The following EBF3 variants were observed in gnomAD, a reference collection of about 807,000 sequenced individuals.
EBF3 encodes transcription factor COE3.
Under a neutral mutation model 77.1 loss-of-function variants are expected in EBF3, and 18 were observed. That is an observed-to-expected ratio of 0.23 (90% CI 0.16 to 0.35). The LOEUF is 0.35. EBF3 is among the 10% of genes least tolerant of loss of function. The pLI is 1.00. For missense variants in EBF3, 558 were observed against 860.0 expected (o/e 0.65, Z 4.39); for synonymous variants, 350 against 343.5 (o/e 1.02, Z -0.21).
At chr10:129,959,039 C>G (rs376446647) in intron 4 of EBF3, 32 bp from the exon 5 acceptor site, 1 of 1,595,830 alleles carries the variant, frequency 6.3e-7, no homozygotes, top group Admixed American at 1.7e-5. Context: ...GCTGGGGTTA[C>G]GCGGCGCCCG....
chr10:129,904,575 GATGGATGGATGGACAA>G (rs945591854), intron 6 of EBF3, among the ~76,000 whole-genome samples: 16 of 151,980 alleles, frequency 1.1e-4, no homozygotes, highest in Non-Finnish European at 1.6e-4. Context: ...TGAACGGATG[GATGGATGGATGGACAA>G]ATGGATGGAT....
chr10:129,844,936 C>T (rs1370105772), intron 11 of EBF3, among the ~76,000 whole-genome samples: 1 of 152,102 alleles, frequency 6.6e-6, no homozygotes, highest in Admixed American at 6.6e-5. Flanking sequence ...TTTTACATGC[C>T]TTTCAATTTT....
rs1858283537 is a variant in EBF3, at chr10:129,947,096, T to G, written c.554+10162A>C. On this transcript the variant is annotated intron_variant, in intron 6 of 16. Coordinates refer to ENST00000440978, the MANE Select transcript of EBF3 (RefSeq NM_001375380.1). The surrounding 1 kb of genome is among the most constrained non-coding windows in gnomAD (Gnocchi z 4.5). ...CCCCACTTGTTTCCTGACCCAATCT[T>G]CCTCGTGTCAGGGGACGAGCCGCTT... Among the ~76,000 whole-genome samples, 1 of 152,118 alleles carries G rather than the reference T, an allele frequency of 6.6e-6. No homozygotes were observed. Among genetic ancestry groups the G allele is most frequent in the South Asian group, 2.1e-4 (1 of 4,820 alleles).
At chr10:129,951,988 A>T (rs373515482) in intron 6 of EBF3, among the ~76,000 whole-genome samples, 25 of 152,374 alleles carry the variant, frequency 1.6e-4, no homozygotes, top group Middle Eastern at 3.4e-3. Flanking sequence ...AGCCATTCAC[A>T]CCTGAGCCCG....
intron 6 of EBF3, among the ~76,000 whole-genome samples, chr10:129,878,988 C>T (rs1227724507): frequency 3.3e-5 from 5 of 152,250 alleles, no homozygotes; most frequent in Admixed American, 6.5e-5. Flanking sequence ...TTCCATTTCC[C>T]GCCATGCCTT....
At chr10:129,883,266 G>A (rs1169417934) in intron 6 of EBF3, among the ~76,000 whole-genome samples, 3 of 152,152 alleles carry the variant, frequency 2.0e-5, no homozygotes, top group Admixed American at 6.5e-5. Flanking sequence ...CTAGGTGCGC[G>A]CCTACCCCCA....
rs143722776 is a variant in EBF3, at chr10:129,907,520, C to T, written c.555-29671G>A. On this transcript the variant is annotated intron_variant, in intron 6 of 16. Transcript: ENST00000440978. ...CGTGGTGGATCCTTTCCCAGAGCTGCCTCAGAAGGAAATGTGAGGTGCTGT... is the reference window on the plus strand; with the variant it reads ...CGTGGTGGATCCTTTCCCAGAGCTGTCTCAGAAGGAAATGTGAGGTGCTGT... Among the ~76,000 whole-genome samples the T allele has an allele frequency of 1.3e-3, 203 of 152,284 alleles. 1 individual carries two copies. The highest frequency in any genetic ancestry group is 4.3e-3 in the African/African-American group (180 of 41,548).
chr10:129,889,946 CTTTTTTTTTTTTTTTTTTT>C (rs10665456), intron 6 of EBF3, among the ~76,000 whole-genome samples: 2 of 82,892 alleles, frequency 2.4e-5, no homozygotes, highest in African/African-American at 5.2e-5. Flanking sequence ...ATTGAAGTGC[CTTTTTTTTTTTTTTTTTTT>C]TTTTTTTTTT....
At position 129,938,712 on chromosome 10, in the gene EBF3, C is replaced by A. The variant is rs548929006; in HGVS notation, c.554+18546G>T. Among the ~76,000 whole-genome samples the A allele has an allele frequency of 6.6e-6, 1 of 152,332 alleles. No individual in the cohort carries two copies. The highest frequency in any genetic ancestry group is 2.1e-4 in the South Asian group (1 of 4,826). On this transcript the variant is annotated intron_variant, in intron 6 of 16. Transcript: ENST00000440978. This position sits in a 1 kb window ranked among gnomAD's most constrained non-coding sequence, Gnocchi z 5.1. ...GTGCGGCTGCAACCGACGAGCACTG[C>A]CTTGTGTCCTGGGACCTGGCCTGTG...
In EBF3 at chr10:129,881,761, G is replaced by A. The variant is rs952552352; in HGVS notation, c.555-3912C>T. Among the ~76,000 whole-genome samples the A allele has an allele frequency of 1.9e-4, 29 of 152,270 alleles. 1 individual carries two copies. Among genetic ancestry groups the A allele is most frequent in the East Asian group, 3.9e-4 (2 of 5,166 alleles). Reference sequence around the variant, plus strand: ...AAGGGGCACAGTCGGGCCCTGTGCCGGGGAGGACAGGGGTGGAGGGGCAGC... The same window carrying A: ...AAGGGGCACAGTCGGGCCCTGTGCCAGGGAGGACAGGGGTGGAGGGGCAGC... On this transcript the variant is annotated intron_variant, in intron 6 of 16. Transcript: ENST00000440978.
In EBF3 at chr10:129,963,984, G is replaced by C; in HGVS notation, c.-216C>G. 1 of 1,016,370 alleles carries C rather than the reference G, an allele frequency of 9.8e-7. No homozygotes were observed. 63.0% of individuals were successfully genotyped at this position (1,016,370 alleles called of 1,614,324 possible). A position where few individuals can be genotyped will look rare whatever the true frequency, so the allele number is the denominator to read the frequency against. ...CCAGGGGCGCGGAGGCGGCTCCACC[G>C]GCGGCGGCGGCGCTTCGAAGGAGCA... On this transcript the variant is annotated 5_prime_UTR_variant, in exon 1 of 17. Coordinates refer to ENST00000440978, the MANE Select transcript of EBF3 (RefSeq NM_001375380.1). The surrounding 1 kb of genome is among the most constrained non-coding windows in gnomAD (Gnocchi z 7.1).
rs1032922798 is a variant in EBF3, at chr10:129,870,257, G to C, written c.782-2345C>G. On this transcript the variant is annotated intron_variant, in intron 8 of 16. Coordinates refer to ENST00000440978, the MANE Select transcript of EBF3 (RefSeq NM_001375380.1). The surrounding 1 kb of genome is among the most constrained non-coding windows in gnomAD (Gnocchi z 4.4). ...TAGAGAGGGAACATGTGTTCAATGG[G>C]AACCATAGCAAAATGAATTACACAG... Among the ~76,000 whole-genome samples, 2 of 152,100 alleles carry C rather than the reference G, an allele frequency of 1.3e-5. No individual in the cohort carries two copies. The highest frequency in any genetic ancestry group is 6.6e-5 in the Admixed American group (1 of 15,260).
intron 6 of EBF3, among the ~76,000 whole-genome samples, chr10:129,939,285 A>G (rs939440370): frequency 2.0e-5 from 3 of 152,172 alleles, no homozygotes; most frequent in African/African-American, 7.2e-5. Context: ...CTCCCAGGTC[A>G]AAAGTATCCT....
chr10:129,862,234 C>T (rs10734091), intron 10 of EBF3, among the ~76,000 whole-genome samples: 43,285 of 151,922 alleles, frequency 0.28, 6,418 homozygotes, highest in African/African-American at 0.34. Context: ...GGTTGAGTAA[C>T]GATTTCATAA....
intron 4 of EBF3, 145 bp from the exon 5 acceptor site, chr10:129,959,152 C>T: frequency 1.0e-6 from 1 of 990,250 alleles, no homozygotes; most frequent in Non-Finnish European, 1.5e-6. Flanking sequence ...GCCACCCTCC[C>T]GATGGGGTCA....
At chr10:129,859,138 C>T (rs922440440) in intron 10 of EBF3, among the ~76,000 whole-genome samples, 3 of 152,216 alleles carry the variant, frequency 2.0e-5, no homozygotes, top group Admixed American at 6.5e-5. Context: ...CAGTCCACAT[C>T]GCTGACAGAC....
intron 6 of EBF3, among the ~76,000 whole-genome samples, chr10:129,895,298 A>C (rs1291078997): frequency 4.6e-5 from 7 of 152,188 alleles, no homozygotes; most frequent in Admixed American, 4.6e-4. Context: ...AAGTGGATGG[A>C]TGCCTCTCCC....
rs375863878 is a variant in EBF3 at position 129,877,754 on chromosome 10, T to C, written c.636+14A>G. ...GTCAGGACCACGGTCCACGTGTCTT[T>C]GAGAAATGTATACCTGGAATCTCCG... On this transcript the variant is annotated intron_variant, in intron 7 of 16. Transcript: ENST00000440978. The C allele has an allele frequency of 2.5e-6, 4 of 1,611,592 alleles. No homozygotes were observed. The highest frequency in any genetic ancestry group is 2.7e-5 in the African/African-American group (2 of 74,918).
At chr10:129,856,374 A>C (rs1206679446) in intron 10 of EBF3, among the ~76,000 whole-genome samples, 7 of 152,228 alleles carry the variant, frequency 4.6e-5, no homozygotes, top group Admixed American at 4.6e-4. Flanking sequence ...TGGTATATCC[A>C]TACAATGGAA....
Sources: allele counts gnomAD v4.1 joint callset (sites outside exome capture counted in the v4.1 genomes callset), GRCh38; gene constraint gnomAD v4.1.1; non-coding constraint Gnocchi (gnomAD v3.1); transcripts MANE v1.5; gene names NCBI Gene and HGNC (gene_info 2026-07-23, HGNC 2026-07-21).